Variants in COPG1 observed in about 807,000 individuals in gnomAD.
COPG1 encodes coatomer subunit gamma-1.
COPG1 carries 29 observed loss-of-function variants against 102.8 expected under a neutral mutation model. That is an observed-to-expected ratio of 0.28 (90% confidence interval 0.21 to 0.38). COPG1 has a LOEUF of 0.38. COPG1 is among the 10% of genes least tolerant of loss of function. The probability of loss-of-function intolerance (pLI) is 1.00; values close to 1 mark genes in which losing one functional copy is unlikely to be tolerated. For missense variants in COPG1, 875 were observed against 1,132.7 expected (o/e 0.77, Z 3.27); for synonymous variants, 406 against 421.6 (o/e 0.96, Z 0.45).
intron 13 of COPG1, among the ~76,000 whole-genome samples, chr3:129,264,886 G>T (rs1334844015): frequency 2.6e-5 from 4 of 151,088 alleles, no homozygotes; most frequent in Non-Finnish European, 5.9e-5. Context: ...CAGTGGTGAG[G>T]TCTTGGCTCA....
chr3:129,260,683 A>T lies in COPG1; in HGVS notation c.1004A>T (p.Asp335Val). The change falls in exon 12 of 24, where the codon GAT becomes GTT. Residue 335 changes from aspartate (D) to valine (V), a missense_variant. Transcript: ENST00000314797. ...CNLDLENLVT[D>V]SNRSIATLAI... ...CTGGATCTGGAGAACCTGGTCACAG[A>T]TTCAAACCGCAGCATTGCCACGCTG... The T allele has an allele frequency of 6.2e-7, 1 of 1,614,106 alleles. No homozygotes were observed. The highest frequency in any genetic ancestry group is 2.2e-5 in the East Asian group (1 of 44,878).
At chr3:129,274,741 T>C in intron 21 of COPG1, 97 bp from the exon 22 acceptor site, 1 of 1,388,482 alleles carries the variant, frequency 7.2e-7, no homozygotes, top group Non-Finnish European at 1.0e-6. Flanking sequence ...AGCAAGCACC[T>C]GTGGAAAGAG....
Position 129,268,854 on chromosome 3 carries a change from G to A in COPG1, c.1775-78G>A, listed in dbSNP as rs1249535142. 2.2e-6 allele frequency: 3 copies of A among 1,358,430 alleles called. No individual in the cohort carries two copies. The African/African-American group carries it at 4.3e-5, about 19-fold the overall frequency. 84.1% of individuals were successfully genotyped at this position (1,358,430 alleles called of 1,614,324 possible). On this transcript the variant is annotated intron_variant, in intron 17 of 23. Transcript: ENST00000314797. ...GAGGGTTAGTATTTATAATCCCTGA[G>A]TAATAGCACTGGGGTCACCACCACA...
chr3:129,263,942 A>G lies in COPG1; in HGVS notation c.1167A>G (p.Lys389=). Residue 389 remains lysine, a synonymous_variant, in exon 13 of 24, where the codon AAA becomes AAG. Transcript: ENST00000314797. ...AGGCCATCAGTGCCCTGTGTCAGAA[A>G]TATCCTCGCAAACACGCCGTCCTTA... ...VVQAISALCQ[K]YPRKHAVLMN... is the part of the protein sequence containing the mutation. The G allele has an allele frequency of 1.9e-6, 3 of 1,614,172 alleles. No individual in the cohort carries two copies. Among genetic ancestry groups the G allele is most frequent in the Non-Finnish European group, 2.5e-6 (3 of 1,180,022 alleles).
chr3:129,251,521 T>C (rs1320067345), intron 2 of COPG1, among the ~76,000 whole-genome samples: 1 of 151,826 alleles, frequency 6.6e-6, no homozygotes, highest in Non-Finnish European at 1.5e-5. Flanking sequence ...TAGCCGGGAC[T>C]ACAGGCGCAC....
chr3:129,272,466 A>G (rs1049089044), intron 20 of COPG1, 51 bp downstream of exon 20: 18 of 1,513,322 alleles, frequency 1.2e-5, no homozygotes, highest in Non-Finnish European at 1.4e-5. Context: ...TCATGGGGTC[A>G]GGAGGAGGTG....
In COPG1 at chr3:129,271,641, TA is replaced by T; in HGVS notation, c.1844-123del. 1 of 1,157,946 alleles carries T rather than the reference TA, an allele frequency of 8.6e-7. No homozygotes were observed. The highest frequency in any genetic ancestry group is 1.2e-6 in the Non-Finnish European group (1 of 814,544). The allele number at this position is 1,157,946 out of a possible 1,614,324, so 71.7% of individuals were successfully genotyped here. ...AGGAAATAATGAGTAGCCAGTTGGG[TA>T]AACATATCTATCCATCTAAGGTAGG... On this transcript the variant is annotated intron_variant, in intron 18 of 23. Transcript: ENST00000314797. The surrounding 1 kb of genome is among the most constrained non-coding windows in gnomAD (Gnocchi z 4.7).
Position 129,263,105 on chromosome 3 carries a change from A to T in COPG1, c.1129-799A>T, listed in dbSNP as rs112656759. ...TGTTGGAGTAATTCAGAAGGAGAGG[A>T]TGGTGCCTGAACCGGCGGGAGTAGG... On this transcript the variant is annotated intron_variant, in intron 12 of 23. Coordinates refer to ENST00000314797, the MANE Select transcript of COPG1 (RefSeq NM_016128.4). Among the ~76,000 whole-genome samples, 1,441 of 150,346 alleles carry T rather than the reference A, an allele frequency of 9.6e-3. 23 individuals carry two copies. The highest frequency in any genetic ancestry group is 0.033 in the African/African-American group (1,359 of 40,694).
At chr3:129,268,448 A>G in intron 16 of COPG1, 47 bp from the exon 17 acceptor site, 2 of 1,603,850 alleles carry the variant, frequency 1.2e-6, no homozygotes, top group Non-Finnish European at 1.7e-6. Context: ...TCCCTGGTGC[A>G]CATTTTGCTC....
intron 21 of COPG1, chr3:129,274,186 G>GAAA: frequency 4.5e-5 from 15 of 332,330 alleles, no homozygotes; most frequent in Admixed American, 1.1e-4. Context: ...CAGAGATGAA[G>GAAA]AAAAAAAAAA....
At position 129,254,609 on chromosome 3, in the gene COPG1, T is replaced by A. The variant is rs530666916; in HGVS notation, c.324-59T>A. 77 of 1,319,074 alleles carry A rather than the reference T, an allele frequency of 5.8e-5. No homozygotes were observed. The Admixed American group carries it at 6.9e-4, about 12-fold the overall frequency. 81.7% of individuals were successfully genotyped at this position (1,319,074 alleles called of 1,614,324 possible). On this transcript the variant is annotated intron_variant, in intron 5 of 23. Coordinates refer to ENST00000314797, the MANE Select transcript of COPG1 (RefSeq NM_016128.4). The stretch of plus-strand genomic sequence containing the variant: ...TCTGGGCAAGGGTGGTGTTGGGAGC[T>A]GGAGAGGAGTAAACAGGCCCAGGCT...
rs574397862 is a variant in COPG1 at position 129,267,170 on chromosome 3, A to T, written c.1544+71A>T. ...ACCCAAGCAGCTTTCCTTTGTCTTTATTTTTTTTTAACTGAAAAGGGAGAG... is the reference window on the plus strand; with the variant it reads ...ACCCAAGCAGCTTTCCTTTGTCTTTTTTTTTTTTTAACTGAAAAGGGAGAG... On this transcript the variant is annotated intron_variant, in intron 15 of 23. Transcript: ENST00000314797. The T allele has an allele frequency of 5.7e-5, 64 of 1,129,798 alleles. No individual in the cohort carries two copies. In the African/African-American group the frequency reaches 1.2e-3, roughly 21 times the overall value. The allele number at this position is 1,129,798 out of a possible 1,614,324, so 70.0% of individuals were successfully genotyped here.
At chr3:129,262,472 C>G (rs184677407) in intron 12 of COPG1, among the ~76,000 whole-genome samples, 1 of 152,138 alleles carries the variant, frequency 6.6e-6, no homozygotes, top group East Asian at 1.9e-4. Flanking sequence ...CCAGGATGGT[C>G]TCGATCTCCT....
In COPG1 at chr3:129,275,343, G is replaced by A; in HGVS notation, c.2494+51G>A. On this transcript the variant is annotated intron_variant, in intron 23 of 23. Coordinates refer to ENST00000314797, the MANE Select transcript of COPG1 (RefSeq NM_016128.4). This position sits in a 1 kb window ranked among gnomAD's most constrained non-coding sequence, Gnocchi z 5.0. ...GGCCTGGATAGCTTACAGCCTGGATGCCACTGGATCCTGGGCTAAGGACTC... is the reference window on the plus strand; with the variant it reads ...GGCCTGGATAGCTTACAGCCTGGATACCACTGGATCCTGGGCTAAGGACTC... 1 of 1,438,664 alleles carries A rather than the reference G, an allele frequency of 7.0e-7. No homozygotes were observed. Among genetic ancestry groups the A allele is most frequent in the Non-Finnish European group, 9.8e-7 (1 of 1,021,780 alleles). The allele number at this position is 1,438,664 out of a possible 1,614,324, so 89.1% of individuals were successfully genotyped here. A position where few individuals can be genotyped will look rare whatever the true frequency, so the allele number is the denominator to read the frequency against.
chr3:129,260,501 T>A, intron 11 of COPG1, 101 bp downstream of exon 11: 3 of 1,507,208 alleles, frequency 2.0e-6, no homozygotes, highest in East Asian at 2.3e-5. Flanking sequence ...CTGGTCACAG[T>A]TAGTTTCTTC....
intron 8 of COPG1, 65 bp from the exon 9 acceptor site, chr3:129,257,405 G>T: frequency 6.3e-7 from 1 of 1,577,796 alleles, no homozygotes; most frequent in South Asian, 1.1e-5. Context: ...ACCCACCCAG[G>T]GCCACACAGC....
rs1158914058 is a variant in COPG1, at chr3:129,261,824, C to T, written c.1128+1017C>T. Among the ~76,000 whole-genome samples, 4 of 152,332 alleles carry T rather than the reference C, an allele frequency of 2.6e-5. No homozygotes were observed. In the East Asian group the frequency reaches 7.7e-4, roughly 29 times the overall value. On this transcript the variant is annotated intron_variant, in intron 12 of 23. Coordinates refer to ENST00000314797, the MANE Select transcript of COPG1 (RefSeq NM_016128.4). ...AGTGAAGACACTCAACTATCCATCT[C>T]CACAAGACTCTTGTTACCTCTTCAT...
Position 129,272,851 on chromosome 3 carries a change from T to A in COPG1, c.2203T>A (p.Cys735Ser). Reference sequence around the variant, plus strand: ...CATGATGAAGTTCACTGTCAAGGACTGTGATCCCACCACTGGGGAGACTGA... The same window carrying A: ...CATGATGAAGTTCACTGTCAAGGACAGTGATCCCACCACTGGGGAGACTGA... ...SCMMKFTVKD[C>S]DPTTGETDDE... The change falls in exon 21 of 24, where the codon TGT becomes AGT. Residue 735 changes from cysteine (C) to serine (S), a missense_variant. Coordinates refer to ENST00000314797, the MANE Select transcript of COPG1 (RefSeq NM_016128.4). 6.2e-7 allele frequency: 1 copy of A among 1,613,350 alleles called. No individual in the cohort carries two copies. The highest frequency in any genetic ancestry group is 1.1e-5 in the South Asian group (1 of 91,048).
intron 18 of COPG1, 108 bp downstream of exon 18, chr3:129,269,108 A>C: frequency 1.1e-6 from 1 of 923,148 alleles, no homozygotes. Flanking sequence ...TAGGCCCTTG[A>C]GATGCTTTAG....
Sources: allele counts gnomAD v4.1 joint callset (sites outside exome capture counted in the v4.1 genomes callset), GRCh38; gene constraint gnomAD v4.1.1; non-coding constraint Gnocchi (gnomAD v3.1); transcripts MANE v1.5; gene names NCBI Gene and HGNC (gene_info 2026-07-23, HGNC 2026-07-21).